NAV3: variants seen among roughly 807,000 people sequenced by gnomAD.
The protein encoded by NAV3 is neuron navigator 3.
NAV3 carries 87 observed loss-of-function variants against 244.7 expected under a neutral mutation model. The observed-to-expected ratio is 0.36, with a 90% CI of 0.30 to 0.42. The LOEUF is 0.42. Among genes scored for constraint, NAV3 ranks in the 20% least tolerant of loss-of-function variants. The probability of loss-of-function intolerance (pLI) is 1.00; values close to 1 mark genes in which losing one functional copy is unlikely to be tolerated. For synonymous variants in NAV3, 1,126 were observed against 1,042.2 expected (o/e 1.08, Z -1.55); for missense variants, 2,663 against 2,893.3 (o/e 0.92, Z 1.83).
intron 2 of NAV3, among the ~76,000 whole-genome samples, chr12:77,771,323 A>T (rs1226606692): frequency 6.6e-6 from 1 of 152,230 alleles, no homozygotes; most frequent in Non-Finnish European, 1.5e-5. Context: ...GTGGGACTAT[A>T]AACTAGTTCA....
chr12:77,779,940 G>A (rs1870580257), intron 2 of NAV3, among the ~76,000 whole-genome samples: 1 of 152,210 alleles, frequency 6.6e-6, no homozygotes, highest in African/African-American at 2.4e-5. Flanking sequence ...CACAGTGCAT[G>A]TTATTGGTAC....
At chr12:78,196,125 A>T (rs1959171373) in intron 34 of NAV3, among the ~76,000 whole-genome samples, 2 of 152,052 alleles carry the variant, frequency 1.3e-5, no homozygotes. Flanking sequence ...TTTTCTTTTG[A>T]AGTAAATAGA....
intron 2 of NAV3, among the ~76,000 whole-genome samples, chr12:77,791,182 C>T (rs940072993): frequency 5.9e-5 from 9 of 151,970 alleles, no homozygotes; most frequent in Admixed American, 4.6e-4. Flanking sequence ...GGTGAAACCC[C>T]GTCTCTACTA....
chr12:77,708,972 G>T (rs1364805052), intron 2 of NAV3, among the ~76,000 whole-genome samples: 2 of 152,076 alleles, frequency 1.3e-5, no homozygotes, highest in South Asian at 2.1e-4. Context: ...TGAGACGATG[G>T]GGTTTTCTAA....
intron 2 of NAV3, among the ~76,000 whole-genome samples, chr12:77,678,834 GA>G (rs11296370): frequency 0.16 from 23,655 of 152,058 alleles, 2,767 homozygotes; most frequent in African/African-American, 0.33. Context: ...CGATCAGAAG[GA>G]AGACAGAAGG....
At chr12:78,126,414 CTAAACT>C (rs1955906973) in intron 16 of NAV3, among the ~76,000 whole-genome samples, 2 of 152,146 alleles carry the variant, frequency 1.3e-5, no homozygotes, top group African/African-American at 4.8e-5. Flanking sequence ...AAAGAAATCC[CTAAACT>C]TGTCCCACTT....
At chr12:78,128,253 A>G (rs534104793) in intron 17 of NAV3, among the ~76,000 whole-genome samples, 4 of 137,256 alleles carry the variant, frequency 2.9e-5, no homozygotes, top group Non-Finnish European at 4.7e-5. Context: ...TTAACAAAAG[A>G]ACTGTTTTTC....
At chr12:77,958,312 G>A (rs187854031) in intron 3 of NAV3, among the ~76,000 whole-genome samples, 107 of 152,156 alleles carry the variant, frequency 7.0e-4, no homozygotes, top group Admixed American at 8.5e-4. Context: ...GCTGTGTCTC[G>A]AAATTGATCT....
At chr12:77,753,021 GT>G (rs1428394944) in intron 2 of NAV3, among the ~76,000 whole-genome samples, 4 of 152,106 alleles carry the variant, frequency 2.6e-5, no homozygotes, top group African/African-American at 9.7e-5. Context: ...TGACCTGAAG[GT>G]GCTACTAAAC....
chr12:77,938,350 T>G lies in NAV3; in HGVS notation c.244-1969T>G, dbSNP rs535328534. 1.2e-4 allele frequency among the ~76,000 whole-genome samples: 18 copies of G among 152,278 alleles called. No homozygotes were observed. In the South Asian group the frequency reaches 3.3e-3, roughly 28 times the overall value. On this transcript the variant is annotated intron_variant, in intron 1 of 39. Coordinates refer to ENST00000397909, the MANE Select transcript of NAV3 (RefSeq NM_001024383.2). ...AAGCATCCACCTAAAAATCATGTAT[T>G]TGTGTGCTAATTCAGGAGACAGTTA...
At chr12:78,123,502 C>T (rs1327858242) in intron 16 of NAV3, among the ~76,000 whole-genome samples, 2 of 149,672 alleles carry the variant, frequency 1.3e-5, no homozygotes, top group Non-Finnish European at 3.0e-5. Flanking sequence ...GTAGGATGTC[C>T]CAATTTGAAA....
intron 22 of NAV3, 91 bp from the exon 23 acceptor site, chr12:78,159,112 A>G (rs1044289295): frequency 1.2e-5 from 12 of 1,034,286 alleles, no homozygotes; most frequent in Non-Finnish European, 1.6e-5. Context: ...GTTGGAACAC[A>G]TGAAATTAAG....
At chr12:77,867,036 A>C (rs561448357) in intron 1 of NAV3, among the ~76,000 whole-genome samples, 5 of 152,324 alleles carry the variant, frequency 3.3e-5, no homozygotes, top group African/African-American at 1.2e-4. Context: ...GGTGAATAAA[A>C]GCTAAAACAC....
chr12:77,725,394 A>G (rs767348064), intron 2 of NAV3, among the ~76,000 whole-genome samples: 2 of 152,028 alleles, frequency 1.3e-5, no homozygotes, highest in Non-Finnish European at 2.9e-5. Context: ...TTTCAGCAGG[A>G]AAAAGTATAA....
intron 12 of NAV3, among the ~76,000 whole-genome samples, chr12:78,090,954 C>CTGTGTGTG (rs10581059): frequency 5.1e-4 from 73 of 142,648 alleles, no homozygotes; most frequent in African/African-American, 1.0e-3. Flanking sequence ...GTGCTGTATT[C>CTGTGTGTG]TGTGTGTGTG....
chr12:77,671,553 T>G (rs1380783444), intron 2 of NAV3, among the ~76,000 whole-genome samples: 1 of 152,130 alleles, frequency 6.6e-6, no homozygotes, highest in Non-Finnish European at 1.5e-5. Flanking sequence ...ATGATACTGG[T>G]ATAAAAATAG....
intron 2 of NAV3, among the ~76,000 whole-genome samples, chr12:77,688,363 C>A (rs1450845046): frequency 6.6e-6 from 1 of 152,050 alleles, no homozygotes; most frequent in African/African-American, 2.4e-5. Flanking sequence ...CTACCCTATG[C>A]CACTTCTTTC....
rs762874130 is a variant in NAV3 at position 78,007,128 on chromosome 12, A to C, written c.1590A>C (p.Pro530=). The change falls in exon 8 of 40, where the codon CCA becomes CCC. Residue 530 remains proline (P), a synonymous_variant. Transcript: ENST00000397909. ...CGTCTTCCAGTGGTATTCCAAAACCAGGCTCTAAAGTTCCAACAGTAAAGC... is the reference window on the plus strand; with the variant it reads ...CGTCTTCCAGTGGTATTCCAAAACCCGGCTCTAAAGTTCCAACAGTAAAGC... ...LIPSSSGIPK[P]GSKVPTVKQT... The C allele has an allele frequency of 6.2e-7, 1 of 1,614,126 alleles. No individual in the cohort carries two copies. The highest frequency in any genetic ancestry group is 8.5e-7 in the Non-Finnish European group (1 of 1,180,036).
intron 1 of NAV3, among the ~76,000 whole-genome samples, chr12:77,924,107 C>A (rs138827021): frequency 1.3e-5 from 2 of 152,142 alleles, no homozygotes; most frequent in Admixed American, 6.6e-5. Context: ...TTTCAGCAGT[C>A]CACAGTGTTT....
Sources: allele counts gnomAD v4.1 joint callset (sites outside exome capture counted in the v4.1 genomes callset), GRCh38; gene constraint gnomAD v4.1.1; transcripts MANE v1.5; gene names NCBI Gene and HGNC (gene_info 2026-07-23, HGNC 2026-07-21).